The following ALKAL1 variants were observed in gnomAD, a reference collection of about 807,000 sequenced individuals.
ALKAL1 encodes the protein AUG-beta.
A neutral mutation model predicts 13.5 loss-of-function variants in ALKAL1; 23 were observed. The observed-to-expected ratio is 1.70, with a 90% confidence interval of 1.23 to 2.41. The LOEUF is 2.41. ALKAL1 is among the 30% of genes most tolerant of loss of function. The pLI, the probability that ALKAL1 is intolerant of heterozygous loss-of-function variation, is 0.00. For missense variants in ALKAL1, 181 were observed against 178.4 expected (o/e 1.01, Z -0.08); for synonymous variants, 85 against 77.7 (o/e 1.09, Z -0.49).
chr8:52,564,120 C>A (rs1335703638), intron 1 of ALKAL1, among the ~76,000 whole-genome samples: 6 of 152,218 alleles, frequency 3.9e-5, no homozygotes, highest in Non-Finnish European at 8.8e-5. Context: ...CCGCTAGCTG[C>A]GAGGCATCCC....
At chr8:52,539,214 G>T (rs1210962048) in intron 3 of ALKAL1, among the ~76,000 whole-genome samples, 1 of 152,152 alleles carries the variant, frequency 6.6e-6, no homozygotes. Flanking sequence ...TAGAATTCAT[G>T]TTCTTTAAAA....
intron 1 of ALKAL1, among the ~76,000 whole-genome samples, chr8:52,558,600 C>A (rs1397957356): frequency 6.6e-6 from 1 of 151,970 alleles, no homozygotes; most frequent in Non-Finnish European, 1.5e-5. Context: ...TTCCTGCAGC[C>A]CAGTCTTTTT....
At chr8:52,553,315 T>C (rs1847447910) in intron 1 of ALKAL1, among the ~76,000 whole-genome samples, 1 of 152,146 alleles carries the variant, frequency 6.6e-6, no homozygotes, top group Admixed American at 6.6e-5. Context: ...GCCACTGCCC[T>C]CCAGCCTTGG....
chr8:52,565,051 G>A lies in ALKAL1; in HGVS notation c.190+16C>T. The A allele has an allele frequency of 7.3e-7, 1 of 1,377,462 alleles. No individual in the cohort carries two copies. Among genetic ancestry groups the A allele is most frequent in the South Asian group, 1.7e-5 (1 of 59,178 alleles). The allele number at this position is 1,377,462 out of a possible 1,614,324, so 85.3% of individuals were successfully genotyped here. ...AGGCGCAGGGCAAAGGATGGGGCGG[G>A]ATGGGGACATCGTACCTGCGCTCCG... On this transcript the variant is annotated intron_variant, in intron 1 of 4. Transcript: ENST00000358543.
At chr8:52,549,873 C>G (rs1298396671) in intron 1 of ALKAL1, among the ~76,000 whole-genome samples, 1 of 152,134 alleles carries the variant, frequency 6.6e-6, no homozygotes, top group African/African-American at 2.4e-5. Flanking sequence ...ACCAGGGAGG[C>G]GGAGGTTGCA....
intron 1 of ALKAL1, among the ~76,000 whole-genome samples, chr8:52,542,865 T>C (rs904248846): frequency 1.3e-5 from 2 of 152,244 alleles, no homozygotes; most frequent in Non-Finnish European, 2.9e-5. Context: ...GTATTTCACC[T>C]TCAACAAATT....
chr8:52,555,463 G>A (rs1301728459), intron 1 of ALKAL1, among the ~76,000 whole-genome samples: 5 of 152,092 alleles, frequency 3.3e-5, no homozygotes, highest in African/African-American at 7.2e-5. Flanking sequence ...GGAAGGAAAC[G>A]GTCAAGATTG....
chr8:52,550,029 A>G (rs971823886), intron 1 of ALKAL1, among the ~76,000 whole-genome samples: 1 of 152,242 alleles, frequency 6.6e-6, no homozygotes, highest in African/African-American at 2.4e-5. Flanking sequence ...TTCCTTATGT[A>G]GTTACATAAC....
chr8:52,553,128 A>G (rs1222458747), intron 1 of ALKAL1, among the ~76,000 whole-genome samples: 1 of 152,166 alleles, frequency 6.6e-6, no homozygotes, highest in East Asian at 1.9e-4. Flanking sequence ...TGGAAAAATC[A>G]CTTGAAGCCA....
In ALKAL1 at chr8:52,559,214, G is replaced by C. The variant is rs147269462; in HGVS notation, c.190+5853C>G. ...TCAGAGAGGACAAATATCCGAACCA[G>C]AGCATGCTTGTATAGTGATTCTAAA... On this transcript the variant is annotated intron_variant, in intron 1 of 4. Transcript: ENST00000358543. 5.2e-3 allele frequency among the ~76,000 whole-genome samples: 786 copies of C among 152,284 alleles called. 7 individuals are homozygous for C. The highest frequency in any genetic ancestry group is 0.017 in the African/African-American group (726 of 41,546).
chr8:52,542,199 C>T lies in ALKAL1; in HGVS notation c.244+193G>A, dbSNP rs149552725. Among the ~76,000 whole-genome samples, 386 of 152,290 alleles carry T rather than the reference C, an allele frequency of 2.5e-3. 2 individuals carry two copies. Among genetic ancestry groups the T allele is most frequent in the African/African-American group, 8.1e-3 (337 of 41,554 alleles). On this transcript the variant is annotated intron_variant, in intron 2 of 4. Coordinates refer to ENST00000358543, the MANE Select transcript of ALKAL1 (RefSeq NM_207413.4). The stretch of plus-strand genomic sequence containing the variant: ...CTTCCTGTGTATCCTTAAAAAGTGG[C>T]TCATACTTCTATTACTTATTAAGGG...
intron 1 of ALKAL1, among the ~76,000 whole-genome samples, chr8:52,549,708 G>A (rs1478893169): frequency 1.3e-5 from 2 of 152,142 alleles, no homozygotes; most frequent in African/African-American, 2.4e-5. Flanking sequence ...TTGGGAGGCT[G>A]AGGCAGGCAG....
intron 1 of ALKAL1, among the ~76,000 whole-genome samples, chr8:52,549,378 A>T (rs1590867807): frequency 6.6e-6 from 1 of 151,454 alleles, no homozygotes; most frequent in East Asian, 1.9e-4. Flanking sequence ...ATTTAATTTC[A>T]AAATGACAAA....
intron 1 of ALKAL1, among the ~76,000 whole-genome samples, chr8:52,561,103 CT>C (rs1847545617): frequency 6.6e-6 from 1 of 152,144 alleles, no homozygotes; most frequent in Non-Finnish European, 1.5e-5. Flanking sequence ...CCATACCCCC[CT>C]CCCAGGTGAT....
intron 1 of ALKAL1, among the ~76,000 whole-genome samples, chr8:52,555,006 C>A (rs1006736863): frequency 8.5e-5 from 13 of 152,072 alleles, no homozygotes; most frequent in African/African-American, 3.1e-4. Context: ...CCCATCTCTA[C>A]TAAAAATACA....
intron 2 of ALKAL1, among the ~76,000 whole-genome samples, chr8:52,541,578 G>A (rs1847312440): frequency 6.6e-6 from 1 of 152,090 alleles, no homozygotes; most frequent in South Asian, 2.1e-4. Flanking sequence ...GACCAGCCTG[G>A]CGAATGTGGT....
intron 3 of ALKAL1, among the ~76,000 whole-genome samples, chr8:52,538,868 GTTTTATTTTA>G (rs1009084149): frequency 6.6e-6 from 1 of 151,636 alleles, no homozygotes; most frequent in African/African-American, 2.4e-5. Flanking sequence ...AAGTTGTTTT[GTTTTATTTTA>G]TTTTATTTTG....
intron 2 of ALKAL1, among the ~76,000 whole-genome samples, chr8:52,541,791 T>C (rs955873026): frequency 1.3e-5 from 2 of 152,140 alleles, no homozygotes; most frequent in African/African-American, 4.8e-5. Flanking sequence ...AATATATTTT[T>C]AAAAGATGTA....
At position 52,565,346 on chromosome 8, in the gene ALKAL1, AC is replaced by A; in HGVS notation, c.-91del. ...CGCGGCCCAAGAGAAGGCCAGCGGGACCACAGCGCGGCTACGCGGCCGGCCG... is the reference window on the plus strand; with the variant it reads ...CGCGGCCCAAGAGAAGGCCAGCGGGACACAGCGCGGCTACGCGGCCGGCCG... On this transcript the variant is annotated 5_prime_UTR_variant, in exon 1 of 5. Coordinates refer to ENST00000358543, the MANE Select transcript of ALKAL1 (RefSeq NM_207413.4). 1.9e-6 allele frequency: 2 copies of A among 1,067,122 alleles called. No individual in the cohort carries two copies. Among genetic ancestry groups the A allele is most frequent in the Non-Finnish European group, 2.4e-6 (2 of 823,164 alleles). The allele number at this position is 1,067,122 out of a possible 1,614,324, so 66.1% of individuals were successfully genotyped here.
Sources: gnomAD v4.1 joint callset for allele counts (sites outside exome capture counted in the v4.1 genomes callset) on GRCh38, gnomAD v4.1.1 for gene constraint, MANE v1.5 for transcripts, NCBI Gene and HGNC (gene_info 2026-07-23, HGNC 2026-07-21) for gene names.